The following UNC13C variants were observed in gnomAD, a reference collection of about 807,000 sequenced individuals.
UNC13C encodes the protein unc-13 homolog C.
A neutral mutation model predicts 245.4 loss-of-function variants in UNC13C; 174 were observed. The ratio of observed to expected loss-of-function variants is 0.71; its 90% CI spans 0.63 to 0.80. The LOEUF (loss-of-function observed/expected upper bound fraction) is 0.80, where lower values mean the gene tolerates loss of function less well. Among genes scored for constraint, UNC13C ranks in the 30% least tolerant of loss-of-function variants. UNC13C has a pLI of 0.00. For synonymous variants in UNC13C, 992 were observed against 895.1 expected (o/e 1.11, Z -1.93); for missense variants, 2,829 against 2,602.9 (o/e 1.09, Z -1.89).
intron 2 of UNC13C, among the ~76,000 whole-genome samples, chr15:54,124,706 G>A (rs1229808762): frequency 6.6e-6 from 1 of 152,044 alleles, no homozygotes; most frequent in Non-Finnish European, 1.5e-5. Flanking sequence ...CAAGCCCTAT[G>A]TCTTGAAATT....
At chr15:53,918,977 T>C in the UNC13C span, among the ~76,000 whole-genome samples, 39 of 152,222 alleles carry the variant, frequency 2.6e-4, no homozygotes, top group Non-Finnish European at 4.4e-5. Context: ...CTTTCTCCTA[T>C]TTTAGTTTGT....
At chr15:54,011,730 C>T (rs966171753) in intron 1 of UNC13C, among the ~76,000 whole-genome samples, 5 of 152,128 alleles carry the variant, frequency 3.3e-5, no homozygotes, top group African/African-American at 9.7e-5. Flanking sequence ...TCATCTCTTT[C>T]GCTCCATCTT....
At chr15:54,587,998 A>G (rs987134374) in intron 30 of UNC13C, among the ~76,000 whole-genome samples, 3 of 152,200 alleles carry the variant, frequency 2.0e-5, no homozygotes, top group Non-Finnish European at 4.4e-5. Flanking sequence ...TGGGTGAATC[A>G]TTTTAGTCTC....
chr15:53,864,597 A>G, the UNC13C span, among the ~76,000 whole-genome samples: 1 of 152,176 alleles, frequency 6.6e-6, no homozygotes, highest in Non-Finnish European at 1.5e-5. Flanking sequence ...CTCTCTACCT[A>G]GGCTATATCC....
intron 19 of UNC13C, among the ~76,000 whole-genome samples, chr15:54,462,280 A>T (rs1172386088): frequency 6.6e-6 from 1 of 152,238 alleles, no homozygotes; most frequent in Non-Finnish European, 1.5e-5. Context: ...AGGGAGTGAA[A>T]TTGAGAGGTG....
downstream of UNC13C, chr15:54,633,102 C>G (rs556397901): frequency 3.4e-4 from 51 of 152,136 alleles, no homozygotes; most frequent in African/African-American, 1.2e-3. Flanking sequence ...GAGACGGAGG[C>G]TGCAGTGAGA....
rs548809443 is a variant in UNC13C at position 54,397,834 on chromosome 15, T to TA, written c.4847+4653_4847+4654insA. ...GATATACAAATATATATCTTCAGCC[T>TA]TTCTAAATTTACTTTTTTGTAGGTT... On this transcript the variant is annotated intron_variant, in intron 18 of 32. Coordinates refer to ENST00000260323, the MANE Select transcript of UNC13C (RefSeq NM_001080534.3). Among the ~76,000 whole-genome samples the TA allele has an allele frequency of 5.9e-5, 9 of 151,508 alleles. No individual in the cohort carries two copies. The East Asian group carries it at 1.7e-3, about 29-fold the overall frequency.
At chr15:54,005,403 A>C (rs1895090064) in intron 1 of UNC13C, among the ~76,000 whole-genome samples, 1 of 152,096 alleles carries the variant, frequency 6.6e-6, no homozygotes, top group Admixed American at 6.6e-5. Flanking sequence ...TGGCTGCATC[A>C]CTTCCAAGCT....
At chr15:53,897,506 C>T in the UNC13C span, among the ~76,000 whole-genome samples, 1 of 152,192 alleles carries the variant, frequency 6.6e-6, no homozygotes, top group East Asian at 1.9e-4. Flanking sequence ...TCTTGAACTC[C>T]TGGCCTCAAG....
At chr15:54,279,695 C>G (rs1221935871) in intron 10 of UNC13C, among the ~76,000 whole-genome samples, 1 of 152,120 alleles carries the variant, frequency 6.6e-6, no homozygotes. Flanking sequence ...CAAAAATAAA[C>G]TCTGGCTATT....
In UNC13C at chr15:54,237,608, G is replaced by C; in HGVS notation, c.3157-11G>C. ...CTATGTATTAATAAGTCATAATTCT[G>C]TTTGTTTTAGACCCTGGCTGCCCGG... On this transcript the variant is annotated splice_polypyrimidine_tract_variant and intron_variant, in intron 6 of 32. Coordinates refer to ENST00000260323, the MANE Select transcript of UNC13C (RefSeq NM_001080534.3). The C allele has an allele frequency of 2.5e-6, 4 of 1,607,754 alleles. No homozygotes were observed. Among genetic ancestry groups the C allele is most frequent in the Non-Finnish European group, 3.4e-6 (4 of 1,176,594 alleles).
intron 2 of UNC13C, among the ~76,000 whole-genome samples, chr15:54,043,610 G>T (rs1595758782): frequency 6.6e-6 from 1 of 152,156 alleles, no homozygotes; most frequent in Non-Finnish European, 1.5e-5. Context: ...TGATTCATTT[G>T]GTTCTTGTCA....
chr15:54,230,861 G>A (rs565571095), intron 4 of UNC13C, among the ~76,000 whole-genome samples: 4 of 152,094 alleles, frequency 2.6e-5, no homozygotes, highest in African/African-American at 9.6e-5. Context: ...CCCCATAAAT[G>A]TGTATAGTTA....
rs1892636334 is a variant in UNC13C, at chr15:54,474,764, T to C, written c.4934-19844T>C. 4.6e-5 allele frequency among the ~76,000 whole-genome samples: 7 copies of C among 151,930 alleles called. No individual in the cohort carries two copies. The Admixed American group carries it at 4.6e-4, about 10-fold the overall frequency. On this transcript the variant is annotated intron_variant, in intron 19 of 32. Coordinates refer to ENST00000260323, the MANE Select transcript of UNC13C (RefSeq NM_001080534.3). ...GCTGGGTAATTTATGTCTTTTTGGC[T>C]TATGTTTCTTCAGGCTGTACAAGAA...
chr15:54,300,090 A>C (rs2037536051), intron 12 of UNC13C, 120 bp from the exon 13 acceptor site: 1 of 831,984 alleles, frequency 1.2e-6, no homozygotes, highest in African/African-American at 1.7e-5. Context: ...TATTGCTTGC[A>C]GATGCTGATG....
At chr15:54,549,348 C>T (rs62022204) in intron 27 of UNC13C, among the ~76,000 whole-genome samples, 7,898 of 152,168 alleles carry the variant, frequency 0.052, 350 homozygotes, top group Admixed American at 0.13. Context: ...AGTTAAAGAT[C>T]ACTGATTTAA....
At chr15:54,005,261 G>A (rs886901115) in intron 1 of UNC13C, among the ~76,000 whole-genome samples, 2 of 152,156 alleles carry the variant, frequency 1.3e-5, no homozygotes, top group Non-Finnish European at 2.9e-5. Context: ...GATTATTCTT[G>A]AGTAGGGGAG....
chr15:54,295,047 C>T (rs764623728), intron 11 of UNC13C, among the ~76,000 whole-genome samples: 11 of 152,110 alleles, frequency 7.2e-5, no homozygotes, highest in Non-Finnish European at 1.3e-4. Context: ...TTAAAACTAT[C>T]TTAAGAAATC....
intron 2 of UNC13C, among the ~76,000 whole-genome samples, chr15:54,051,709 G>C (rs1356082043): frequency 1.3e-5 from 2 of 150,134 alleles, no homozygotes; most frequent in Non-Finnish European, 3.0e-5. Flanking sequence ...GTTTTCCAGG[G>C]CCTGAAGAAA....
Sources: gnomAD v4.1 joint callset for allele counts (sites outside exome capture counted in the v4.1 genomes callset) on GRCh38, gnomAD v4.1.1 for gene constraint, MANE v1.5 for transcripts, NCBI Gene and HGNC (gene_info 2026-07-23, HGNC 2026-07-21) for gene names.